ANKFN1: variants seen among roughly 807,000 people sequenced by gnomAD.
ANKFN1 encodes the protein ankyrin repeat and fibronectin type III domain containing 1, also known as ankyrin repeat and fibronectin type-III domain-containing protein 1.
A neutral mutation model predicts 108.7 loss-of-function variants in ANKFN1; 74 were observed. That is an observed-to-expected ratio of 0.68 (90% confidence interval 0.56 to 0.83). The LOEUF (loss-of-function observed/expected upper bound fraction) is 0.83. Among genes scored for constraint, ANKFN1 ranks in the 40% least tolerant of loss-of-function variants. The pLI is 0.00. For missense variants in ANKFN1, 1,505 were observed against 1,382.3 expected (o/e 1.09, Z -1.41); for synonymous variants, 547 against 516.2 (o/e 1.06, Z -0.81).
chr17:56,441,902 G>A (rs1383353998), intron 9 of ANKFN1, among the ~76,000 whole-genome samples: 2 of 151,218 alleles, frequency 1.3e-5, no homozygotes, highest in African/African-American at 4.8e-5. Flanking sequence ...ACAAAGATGT[G>A]CTTTTTTTTT....
intron 8 of ANKFN1, among the ~76,000 whole-genome samples, chr17:56,429,747 G>T (rs1256092025): frequency 6.6e-6 from 1 of 152,184 alleles, no homozygotes; most frequent in Non-Finnish European, 1.5e-5. Flanking sequence ...TTGGATTGGT[G>T]GGGGTATGAA....
chr17:56,253,699 G>T lies in ANKFN1; in HGVS notation c.53+25742G>T, dbSNP rs535743302. 1.1e-4 allele frequency among the ~76,000 whole-genome samples: 17 copies of T among 152,166 alleles called. 1 individual carries two copies. The South Asian group carries it at 3.5e-3, about 32-fold the overall frequency. The stretch of plus-strand genomic sequence containing the variant: ...GATTGCAGTGAGCCGAGATCACCCC[G>T]CTGCACTCCAGTCTGGACGACAGAG... On this transcript the variant is annotated intron_variant, in intron 3 of 20. Transcript: ENST00000682825.
rs773848793 is a variant in ANKFN1, at chr17:56,227,951, G to T, written c.47G>T (p.Ser16Ile). ...TTTAAAGACAGGCATTTTACTTGCA[G>T]CAAAATGTAAGTACATTTCCTCCTT... ...LLFKDRHFTC[S>I]KIIGRRFACF... The change falls in exon 3 of 21, where the codon AGC becomes ATC. Residue 16 changes from serine to isoleucine, a missense_variant. Transcript: ENST00000682825. 1 of 1,605,460 alleles carries T rather than the reference G, an allele frequency of 6.2e-7. No homozygotes were observed. Among genetic ancestry groups the T allele is most frequent in the Non-Finnish European group, 8.5e-7 (1 of 1,177,294 alleles).
At chr17:56,381,686 G>A (rs1475603080) in intron 8 of ANKFN1, among the ~76,000 whole-genome samples, 1 of 152,212 alleles carries the variant, frequency 6.6e-6, no homozygotes, top group Non-Finnish European at 1.5e-5. Flanking sequence ...AAGGGTATCA[G>A]TGATAGAAGA....
intron 4 of ANKFN1, among the ~76,000 whole-genome samples, chr17:56,127,712 A>G (rs774885558): frequency 1.3e-5 from 2 of 152,224 alleles, no homozygotes; most frequent in Non-Finnish European, 2.9e-5. Flanking sequence ...CAATCACTTT[A>G]CCAAAGCCTG....
intron 4 of ANKFN1, among the ~76,000 whole-genome samples, chr17:56,107,034 A>T (rs1158298032): frequency 6.6e-6 from 1 of 152,208 alleles, no homozygotes; most frequent in Non-Finnish European, 1.5e-5. Flanking sequence ...AAAGAAAATC[A>T]TATAATCCAG....
At chr17:56,071,127 C>G (rs569077124) in intron 4 of ANKFN1, among the ~76,000 whole-genome samples, 1 of 152,256 alleles carries the variant, frequency 6.6e-6, no homozygotes, top group East Asian at 1.9e-4. Context: ...CTGACTGATT[C>G]TATATTTGAC....
chr17:56,258,798 C>A (rs1338459045), intron 3 of ANKFN1, among the ~76,000 whole-genome samples: 1 of 152,072 alleles, frequency 6.6e-6, no homozygotes, highest in East Asian at 1.9e-4. Context: ...GTAGTCCCAG[C>A]TACTCGGGAG....
chr17:56,293,647 C>G (rs1244254031), intron 3 of ANKFN1, among the ~76,000 whole-genome samples: 1 of 152,100 alleles, frequency 6.6e-6, no homozygotes, highest in Non-Finnish European at 1.5e-5. Flanking sequence ...GGTGATGACC[C>G]ACGAAGGACA....
chr17:56,321,782 C>T (rs1280210388), intron 3 of ANKFN1, among the ~76,000 whole-genome samples: 1 of 152,164 alleles, frequency 6.6e-6, no homozygotes, highest in Non-Finnish European at 1.5e-5. Flanking sequence ...CCAATGCTCT[C>T]ATTTCACAGG....
chr17:56,048,688 A>G (rs1904721557), intron 4 of ANKFN1, among the ~76,000 whole-genome samples: 1 of 152,212 alleles, frequency 6.6e-6, no homozygotes, highest in Admixed American at 6.5e-5. Context: ...TAAAGGATGA[A>G]GAAAGGAAAG....
At chr17:56,424,927 G>A (rs138644968) in intron 8 of ANKFN1, among the ~76,000 whole-genome samples, 77 of 152,298 alleles carry the variant, frequency 5.1e-4, no homozygotes, top group South Asian at 1.2e-3. Context: ...GGTTTCAAAT[G>A]TGTAGAATTG....
Position 56,326,256 on chromosome 17 carries a change from T to TGA in ANKFN1, c.91_92dup (p.Ser31ArgfsTer13). 2 of 1,613,940 alleles carry TGA rather than the reference T, an allele frequency of 1.2e-6. No individual in the cohort carries two copies. Among genetic ancestry groups the TGA allele is most frequent in the African/African-American group, 2.7e-5 (2 of 75,050 alleles). ...AGATTCGCTTGCTTTGCACAGAGGC[T>TGA]GAGCCACAGGAGAAAGCAAAGCCAA... On this transcript the variant is annotated frameshift_variant, in exon 4 of 21. Transcript: ENST00000682825. LOFTEE classifies it high-confidence loss of function.
At chr17:56,398,930 G>T (rs2047669270) in intron 8 of ANKFN1, among the ~76,000 whole-genome samples, 1 of 152,032 alleles carries the variant, frequency 6.6e-6, no homozygotes, top group African/African-American at 2.4e-5. Context: ...TAACATAAAG[G>T]TCATAAAGCC....
At chr17:56,276,808 T>G (rs1038026060) in intron 3 of ANKFN1, among the ~76,000 whole-genome samples, 2 of 152,216 alleles carry the variant, frequency 1.3e-5, no homozygotes, top group African/African-American at 4.8e-5. Flanking sequence ...TCCCTTTATT[T>G]TTAATAACTT....
At chr17:56,183,319 T>C (rs1043939891) in intron 1 of ANKFN1, among the ~76,000 whole-genome samples, 2 of 152,144 alleles carry the variant, frequency 1.3e-5, no homozygotes, top group Non-Finnish European at 2.9e-5. Flanking sequence ...ATTAAGAACA[T>C]CTATCATAAA....
Position 56,288,055 on chromosome 17 carries a change from A to ATT in ANKFN1, c.54-38156_54-38155dup, listed in dbSNP as rs58175322. On this transcript the variant is annotated intron_variant, in intron 3 of 20. Coordinates refer to ENST00000682825, the MANE Select transcript of ANKFN1 (RefSeq NM_001370326.1). ...ACCCAGAGTCATTGAAAGGCCCTGC[A>ATT]TTTTTTTTTTTAATTTTAAAATTCT... Among the ~76,000 whole-genome samples, 346 of 147,608 alleles carry ATT rather than the reference A, an allele frequency of 2.3e-3. 1 individual carries two copies. Among genetic ancestry groups the ATT allele is most frequent in the African/African-American group, 8.2e-3 (331 of 40,594 alleles).
intron 3 of ANKFN1, 41 bp downstream of exon 3, chr17:56,227,998 CT>C: frequency 6.5e-7 from 1 of 1,549,542 alleles, no homozygotes; most frequent in South Asian, 1.2e-5. Context: ...TACTTCTCAG[CT>C]GTAATTCCTA....
chr17:56,349,378 C>T (rs896494203), intron 4 of ANKFN1, among the ~76,000 whole-genome samples: 2 of 134,626 alleles, frequency 1.5e-5, no homozygotes, highest in Admixed American at 7.9e-5. Flanking sequence ...CATGTAGCCA[C>T]GAACTTAAAA....
Sources: gnomAD v4.1 joint callset for allele counts (sites outside exome capture counted in the v4.1 genomes callset) on GRCh38, gnomAD v4.1.1 for gene constraint, MANE v1.5 for transcripts, NCBI Gene and HGNC (gene_info 2026-07-23, HGNC 2026-07-21) for gene names.